MGA: variants seen among roughly 807,000 people sequenced by gnomAD.
MGA encodes MAX gene-associated protein.
In MGA, 40 loss-of-function variants were observed where a neutral mutation model predicts 261.1. The ratio of observed to expected loss-of-function variants is 0.15; its 90% CI spans 0.12 to 0.20. The LOEUF is 0.20. Among genes scored for constraint, MGA ranks in the 10% least tolerant of loss-of-function variants. MGA has a pLI of 1.00. For missense variants in MGA, 3,397 were observed against 3,630.5 expected (o/e 0.94, Z 1.65); for synonymous variants, 1,302 against 1,290.6 (o/e 1.01, Z -0.19).
chr15:41,761,160 T>C (rs769182176), intron 20 of MGA, among the ~76,000 whole-genome samples: 4 of 152,232 alleles, frequency 2.6e-5, no homozygotes, highest in East Asian at 1.9e-4. Context: ...TCTCGTTACA[T>C]TGGTGTTCTT....
At chr15:41,742,459 G>A (rs550152642) in intron 14 of MGA, 87 bp from the exon 15 acceptor site, 3 of 1,481,980 alleles carry the variant, frequency 2.0e-6, no homozygotes, top group Admixed American at 2.0e-5. Context: ...TGACCCAGTA[G>A]TGCACAGTAA....
At chr15:41,668,563 T>C (rs1432813018) in intron 1 of MGA, among the ~76,000 whole-genome samples, 1 of 152,188 alleles carries the variant, frequency 6.6e-6, no homozygotes, top group Non-Finnish European at 1.5e-5. Context: ...TTGTGTGAGA[T>C]TATAGTATTT....
chr15:41,630,100 C>T (rs1013557555), intron 1 of MGA, among the ~76,000 whole-genome samples: 2 of 152,140 alleles, frequency 1.3e-5, no homozygotes, highest in Non-Finnish European at 1.5e-5. Flanking sequence ...TACATCATCT[C>T]GCTCCTTTTT....
At chr15:41,683,660 C>G (rs1467439580) in intron 2 of MGA, among the ~76,000 whole-genome samples, 3 of 150,746 alleles carry the variant, frequency 2.0e-5, no homozygotes, top group African/African-American at 7.3e-5. Flanking sequence ...CTCACTGCAG[C>G]CTTGACCTCC....
At position 41,767,267 on chromosome 15, in the gene MGA, C is replaced by T. The variant is rs370669628; in HGVS notation, c.9185C>T (p.Ser3062Phe). The T allele has an allele frequency of 7.1e-5, 115 of 1,610,100 alleles. No individual in the cohort carries two copies. Among genetic ancestry groups the T allele is most frequent in the Non-Finnish European group, 9.6e-5 (113 of 1,177,696 alleles). Residue 3062 changes from serine to phenylalanine, a missense_variant, in exon 24 of 24, where the codon TCT becomes TTT. Ser to Phe is a radical substitution (Grantham distance 155). Around this residue, in one of 9 missense-constraint regions of MGA, gnomAD observed 647 missense variants for 642.4 expected, o/e 1.01. Transcript: ENST00000219905. ...GGCAACTCGGGGGCCTCACCAAGTT[C>T]TGCAGGGAAATGAACTTACTTGTCC...
In MGA at chr15:41,754,556, A is replaced by G. The variant is rs1487226695; in HGVS notation, c.7128A>G (p.Ser2376=). 1.3e-6 allele frequency: 2 copies of G among 1,577,870 alleles called. No individual in the cohort carries two copies. The highest frequency in any genetic ancestry group is 1.9e-5 in the Admixed American group (1 of 51,998). ...AGACCACAGCGGCCCACACACAGTCATTCAAACAGCCGTAAGTCTTATTTC... is the reference window on the plus strand; with the variant it reads ...AGACCACAGCGGCCCACACACAGTCGTTCAAACAGCCGTAAGTCTTATTTC... The change falls in exon 18 of 24, where the codon TCA becomes TCG. Residue 2376 remains serine, a synonymous_variant. Coordinates refer to ENST00000219905, the MANE Select transcript of MGA (RefSeq NM_001164273.2).
intron 1 of MGA, among the ~76,000 whole-genome samples, chr15:41,626,428 T>A (rs893352911): frequency 3.2e-4 from 48 of 152,140 alleles, no homozygotes; most frequent in African/African-American, 1.1e-3. Flanking sequence ...ACTTTTTTTT[T>A]TAAAATTTTT....
chr15:41,735,534 C>G (rs936494371), intron 12 of MGA, among the ~76,000 whole-genome samples: 1 of 152,070 alleles, frequency 6.6e-6, no homozygotes, highest in South Asian at 2.1e-4. Context: ...TCAAGAGATC[C>G]AAGACCATCC....
In MGA at chr15:41,696,285, A is replaced by G. The variant is rs1046637864; in HGVS notation, c.1275A>G (p.Lys425=). Residue 425 remains lysine (K), a synonymous_variant, in exon 3 of 24, where the codon AAA becomes AAG. Coordinates refer to ENST00000219905, the MANE Select transcript of MGA (RefSeq NM_001164273.2). ...GTGATGATGATCCTATACTAGAGAA[A>G]CAGCTAAAGAGGCACAATAAAGTTG... 1 of 1,613,838 alleles carries G rather than the reference A, an allele frequency of 6.2e-7. No homozygotes were observed. The highest frequency in any genetic ancestry group is 1.3e-5 in the African/African-American group (1 of 74,930).
chr15:41,664,256 A>C (rs1357156755), intron 1 of MGA, among the ~76,000 whole-genome samples: 2 of 152,212 alleles, frequency 1.3e-5, no homozygotes, highest in African/African-American at 4.8e-5. Context: ...ACTTCTCTGC[A>C]CTAATATTTT....
At chr15:41,653,543 G>A (rs574016498) in intron 1 of MGA, among the ~76,000 whole-genome samples, 11 of 151,142 alleles carry the variant, frequency 7.3e-5, no homozygotes, top group East Asian at 1.9e-4. Flanking sequence ...CCATCTCTAC[G>A]TTAAAAAATA....
Position 41,696,326 on chromosome 15 carries a change from A to T in MGA, c.1316A>T (p.Asp439Val). The T allele has an allele frequency of 6.2e-7, 1 of 1,613,956 alleles. No homozygotes were observed. Among genetic ancestry groups the T allele is most frequent in the Non-Finnish European group, 8.5e-7 (1 of 1,179,894 alleles). ...AATAAAGTTGACAACCCAGAAGCTG[A>T]CCATCTATCTTCTAAATGGCTTCCA... The change falls in exon 3 of 24, where the codon GAC becomes GTC. Residue 439 changes from aspartate to valine, a missense_variant. Physicochemically the swap from Asp to Val is radical, Grantham distance 152. Around this residue, in one of 9 missense-constraint regions of MGA, gnomAD observed 563 missense variants for 563.6 expected, o/e 1.00. Coordinates refer to ENST00000219905, the MANE Select transcript of MGA (RefSeq NM_001164273.2).
chr15:41,692,978 G>A (rs951748450), intron 2 of MGA, among the ~76,000 whole-genome samples: 4 of 152,034 alleles, frequency 2.6e-5, no homozygotes, highest in Admixed American at 1.3e-4. Flanking sequence ...GATTATAGGC[G>A]TGAGCCACTG....
chr15:41,712,660 A>G (rs1204127582), intron 8 of MGA, among the ~76,000 whole-genome samples: 2 of 151,932 alleles, frequency 1.3e-5, no homozygotes, highest in Admixed American at 6.6e-5. Flanking sequence ...GTATTGTCCT[A>G]TTCTTTTTTT....
chr15:41,748,703 C>T lies in MGA; in HGVS notation c.5279C>T (p.Pro1760Leu), dbSNP rs775058083. Residue 1760 changes from proline (P) to leucine (L), a missense_variant, in exon 16 of 24, where the codon CCT (proline) becomes CTT (leucine). By Grantham distance (98) the Pro-to-Leu change is moderately conservative. This residue lies in a region of MGA where 1,410 missense variants were observed against 1,386.4 expected (regional missense o/e 1.02). Transcript: ENST00000219905. ...CCTAACACAGTGAAACGTGCTGGACCTCGATTGTTGTTGATTCCAGTGCAG... is the reference window on the plus strand; with the variant it reads ...CCTAACACAGTGAAACGTGCTGGACTTCGATTGTTGTTGATTCCAGTGCAG... 24 of 1,613,824 alleles carry T rather than the reference C, an allele frequency of 1.5e-5. No homozygotes were observed. The highest frequency in any genetic ancestry group is 1.8e-5 in the Non-Finnish European group (21 of 1,179,896).
intron 1 of MGA, among the ~76,000 whole-genome samples, chr15:41,655,261 C>T (rs1374537547): frequency 6.6e-6 from 1 of 151,120 alleles, no homozygotes; most frequent in Non-Finnish European, 1.5e-5. Context: ...TAACTGCAAC[C>T]TCCGCCTCCT....
Position 41,749,096 on chromosome 15 carries a change from T to C in MGA, c.5504-15T>C, listed in dbSNP as rs754078538. The C allele has an allele frequency of 1.9e-6, 3 of 1,592,206 alleles. No individual in the cohort carries two copies. The highest frequency in any genetic ancestry group is 2.2e-5 in the East Asian group (1 of 44,664). On this transcript the variant is annotated splice_polypyrimidine_tract_variant and intron_variant, in intron 16 of 23. Coordinates refer to ENST00000219905, the MANE Select transcript of MGA (RefSeq NM_001164273.2). ...AGTCATGATTTAAAAATTTCTCTCT[T>C]ATTTTTTAAACCAGGGTCTGTGATG...
intron 2 of MGA, among the ~76,000 whole-genome samples, chr15:41,674,257 C>T (rs1024021740): frequency 2.0e-5 from 3 of 151,878 alleles, no homozygotes; most frequent in East Asian, 1.9e-4. Context: ...AATATAGTGG[C>T]GCGATCTTGG....
intron 2 of MGA, among the ~76,000 whole-genome samples, chr15:41,678,662 G>C (rs1041284583): frequency 1.3e-5 from 2 of 151,560 alleles, no homozygotes; most frequent in Non-Finnish European, 2.9e-5. Context: ...AGCTACTCAG[G>C]AGGCTGAGGC....
Sources: allele counts gnomAD v4.1 joint callset (sites outside exome capture counted in the v4.1 genomes callset), GRCh38; gene constraint gnomAD v4.1.1; regional missense constraint gnomAD v4.1.1; transcripts MANE v1.5; gene names NCBI Gene and HGNC (gene_info 2026-07-23, HGNC 2026-07-21).